PAPPA2: variants seen among roughly 807,000 people sequenced by gnomAD.
PAPPA2 encodes the protein pappalysin 2, also known as pappalysin-2.
A neutral mutation model predicts 176.4 loss-of-function variants in PAPPA2; 86 were observed. The ratio of observed to expected loss-of-function variants is 0.49; its 90% CI spans 0.41 to 0.58. The LOEUF (loss-of-function observed/expected upper bound fraction) is 0.58, where lower values mean the gene tolerates loss of function less well. Among genes scored for constraint, PAPPA2 ranks in the 20% least tolerant of loss-of-function variants. PAPPA2 has a pLI of 0.00. For missense variants in PAPPA2, 2,073 were observed against 2,256.9 expected (o/e 0.92, Z 1.65); for synonymous variants, 809 against 852.2 (o/e 0.95, Z 0.88).
intron 21 of PAPPA2, among the ~76,000 whole-genome samples, chr1:176,838,093 C>G (rs545433322): frequency 6.6e-6 from 1 of 152,226 alleles, no homozygotes; most frequent in African/African-American, 2.4e-5. Flanking sequence ...AAAGAAGGAG[C>G]TTTTAGAAAT....
chr1:176,670,798 G>A (rs1040839065), intron 3 of PAPPA2, among the ~76,000 whole-genome samples, 172 bp from the exon 4 acceptor site: 11 of 152,190 alleles, frequency 7.2e-5, no homozygotes, highest in African/African-American at 2.7e-4. Context: ...CATCCCAAAT[G>A]TGTATTAGTG....
chr1:176,573,061 G>A (rs1174165243), intron 2 of PAPPA2, among the ~76,000 whole-genome samples: 1 of 152,154 alleles, frequency 6.6e-6, no homozygotes, highest in Admixed American at 6.5e-5. Flanking sequence ...GATGGGGTGA[G>A]GGTGGAGAAG....
intron 5 of PAPPA2, chr1:176,690,973 A>G: frequency 8.1e-6 from 8 of 984,728 alleles, no homozygotes; most frequent in Non-Finnish European, 9.6e-6. Flanking sequence ...ACAAATTCTT[A>G]GCTGCCTACC....
Position 176,808,372 on chromosome 1 carries a change from A to G in PAPPA2, c.5202+8240A>G, listed in dbSNP as rs1665999376. On this transcript the variant is annotated intron_variant, in intron 21 of 22. Coordinates refer to ENST00000367662, the MANE Select transcript of PAPPA2 (RefSeq NM_020318.3). Reference sequence around the variant, plus strand: ...AATTCATATGCTGGCAAATAGTTACATGGCAGTGCCCAGCTCGCATTTTGG... The same window carrying G: ...AATTCATATGCTGGCAAATAGTTACGTGGCAGTGCCCAGCTCGCATTTTGG... 2.6e-5 allele frequency among the ~76,000 whole-genome samples: 4 copies of G among 152,172 alleles called. No individual in the cohort carries two copies. The South Asian group carries it at 6.2e-4, about 24-fold the overall frequency.
chr1:176,496,475 G>T (rs1303213423), intron 1 of PAPPA2, among the ~76,000 whole-genome samples: 1 of 152,128 alleles, frequency 6.6e-6, no homozygotes. Context: ...AGGAGTTTTT[G>T]AGCTTTGGTT....
At chr1:176,838,027 T>C (rs766080144) in intron 21 of PAPPA2, among the ~76,000 whole-genome samples, 1 of 152,196 alleles carries the variant, frequency 6.6e-6, no homozygotes, top group East Asian at 1.9e-4. Flanking sequence ...TTTTTCTGTA[T>C]TTCTTCTCTT....
At chr1:176,816,491 T>C (rs1402790112) in intron 21 of PAPPA2, among the ~76,000 whole-genome samples, 1 of 151,686 alleles carries the variant, frequency 6.6e-6, no homozygotes, top group African/African-American at 2.4e-5. Context: ...TCTAGGCATT[T>C]AGGTTTCTGC....
chr1:176,556,946 T>C lies in PAPPA2; in HGVS notation c.624T>C (p.Asp208=). The C allele has an allele frequency of 6.2e-7, 1 of 1,613,528 alleles. No homozygotes were observed. The highest frequency in any genetic ancestry group is 8.5e-7 in the Non-Finnish European group (1 of 1,179,884). ...AAGTGTGGAAGAGGCGGGCGGAAGA[T>C]GGGCAGGGAGACTCCGGTATCTCTT... The part of the protein sequence containing the change: ...RRQVWKRRAE[D]GQGDSGISSH... The change falls in exon 2 of 23, where the codon GAT becomes GAC. Residue 208 remains aspartate (D), a synonymous_variant. Coordinates refer to ENST00000367662, the MANE Select transcript of PAPPA2 (RefSeq NM_020318.3).
chr1:176,585,136 G>T (rs1191583909), intron 2 of PAPPA2, among the ~76,000 whole-genome samples: 1 of 152,114 alleles, frequency 6.6e-6, no homozygotes, highest in East Asian at 1.9e-4. Context: ...GCTTCCAGAG[G>T]TAAGACTCCC....
intron 2 of PAPPA2, among the ~76,000 whole-genome samples, chr1:176,576,994 T>C (rs2102621999): frequency 6.6e-6 from 1 of 152,316 alleles, no homozygotes; most frequent in East Asian, 1.9e-4. Context: ...AGGAGGTCTG[T>C]GTGCAATTTC....
intron 6 of PAPPA2, among the ~76,000 whole-genome samples, chr1:176,694,633 A>G (rs1208341344): frequency 1.3e-5 from 2 of 152,216 alleles, no homozygotes; most frequent in African/African-American, 4.8e-5. Context: ...AAAAGATTCT[A>G]AGCATCAGAG....
chr1:176,776,011 A>C (rs1369406738), intron 17 of PAPPA2, among the ~76,000 whole-genome samples: 2 of 152,180 alleles, frequency 1.3e-5, no homozygotes, highest in East Asian at 3.8e-4. Context: ...CTCACATTGT[A>C]TAATAGGCAC....
In PAPPA2 at chr1:176,844,442, G is replaced by A. The variant is rs540422293; in HGVS notation, c.*1988G>A. 1 of 152,222 alleles carries A rather than the reference G, an allele frequency of 6.6e-6. No individual in the cohort carries two copies. Among genetic ancestry groups the A allele is most frequent in the African/African-American group, 2.4e-5 (1 of 41,544 alleles). The allele number at this position is 152,222 out of a possible 1,614,324, so 9.4% of individuals were successfully genotyped here. The stretch of plus-strand genomic sequence containing the variant: ...AGGTGATGTACCCACATTAATCTGT[G>A]GGTTTGTGGAATGAGGGTTGCAAAG... On this transcript the variant is annotated 3_prime_UTR_variant, in exon 23 of 23. Transcript: ENST00000367662.
chr1:176,580,600 G>A (rs240109), intron 2 of PAPPA2, among the ~76,000 whole-genome samples: 123,014 of 152,130 alleles, frequency 0.81, 50,023 homozygotes, highest in East Asian at 0.93. Context: ...ATTCCCACTA[G>A]CAGTATATAA....
intron 12 of PAPPA2, among the ~76,000 whole-genome samples, chr1:176,718,224 T>G (rs1661459732): frequency 6.6e-6 from 1 of 152,146 alleles, no homozygotes; most frequent in Admixed American, 6.5e-5. Context: ...ACATTAAGTT[T>G]TTCATAATAT....
At position 176,709,928 on chromosome 1, in the gene PAPPA2, T is replaced by A. The variant is rs887987074; in HGVS notation, c.3458-55T>A. 16 of 1,484,080 alleles carry A rather than the reference T, an allele frequency of 1.1e-5. No homozygotes were observed. The African/African-American group carries it at 2.2e-4, about 21-fold the overall frequency. 91.9% of individuals were successfully genotyped at this position (1,484,080 alleles called of 1,614,324 possible). Reference sequence around the variant, plus strand: ...GTTGTGGACATTCCCATGTTCATTTTTTTCATGACATTTATGAAAACACTT... The same window carrying A: ...GTTGTGGACATTCCCATGTTCATTTATTTCATGACATTTATGAAAACACTT... On this transcript the variant is annotated intron_variant, in intron 10 of 22. Coordinates refer to ENST00000367662, the MANE Select transcript of PAPPA2 (RefSeq NM_020318.3).
chr1:176,765,699 C>T lies in PAPPA2; in HGVS notation c.4185C>T (p.Ser1395=), dbSNP rs774121481. ...CIHRPCGKQD[S]CPSLLLDHAD... ...ATCGGCCCTGTGGGAAGCAGGACAGCTGTCCGTCATTGCTGCTTGATCATG... is the reference window on the plus strand; with the variant it reads ...ATCGGCCCTGTGGGAAGCAGGACAGTTGTCCGTCATTGCTGCTTGATCATG... The change falls in exon 15 of 23, where the codon AGC becomes AGT. Residue 1395 remains serine, a synonymous_variant. Coordinates refer to ENST00000367662, the MANE Select transcript of PAPPA2 (RefSeq NM_020318.3). 1.1e-5 allele frequency: 17 copies of T among 1,614,092 alleles called. No homozygotes were observed. Among genetic ancestry groups the T allele is most frequent in the Middle Eastern group, 1.6e-4 (1 of 6,062 alleles).
At chr1:176,696,143 C>A (rs1660371871) in intron 7 of PAPPA2, among the ~76,000 whole-genome samples, 1 of 151,990 alleles carries the variant, frequency 6.6e-6, no homozygotes, top group Non-Finnish European at 1.5e-5. Flanking sequence ...GTCAGCTGAA[C>A]TCAGGGTGTG....
At chr1:176,812,621 A>G (rs1471876627) in intron 21 of PAPPA2, among the ~76,000 whole-genome samples, 3 of 152,180 alleles carry the variant, frequency 2.0e-5, no homozygotes, top group Non-Finnish European at 1.5e-5. Flanking sequence ...AATCCAATAG[A>G]CAGGCTCTTT....
Sources: allele counts gnomAD v4.1 joint callset (sites outside exome capture counted in the v4.1 genomes callset), GRCh38; gene constraint gnomAD v4.1.1; transcripts MANE v1.5; gene names NCBI Gene and HGNC (gene_info 2026-07-23, HGNC 2026-07-21).